Variants in PFKP observed in about 807,000 individuals in gnomAD.
PFKP encodes the protein phosphofructokinase, platelet.
PFKP carries 101 observed loss-of-function variants against 94.3 expected under a neutral mutation model. The observed-to-expected ratio is 1.07, with a 90% CI of 0.91 to 1.26. The LOEUF (loss-of-function observed/expected upper bound fraction) is 1.26. PFKP is among the 50% of genes most tolerant of loss of function. The probability of loss-of-function intolerance (pLI) is 0.00; values close to 1 mark genes in which losing one functional copy is unlikely to be tolerated. For missense variants in PFKP, 1,145 were observed against 1,103.3 expected (o/e 1.04, Z -0.53); for synonymous variants, 573 against 432.6 (o/e 1.32, Z -4.03).
intron 7 of PFKP, among the ~76,000 whole-genome samples, chr10:3,105,850 G>C (rs1046109367): frequency 6.6e-6 from 1 of 152,202 alleles, no homozygotes; most frequent in African/African-American, 2.4e-5. Flanking sequence ...TTAATTTGGG[G>C]CTTAATAGAA....
chr10:3,107,184 T>A (rs766417379), intron 7 of PFKP, 30 bp from the exon 8 acceptor site: 1 of 1,345,626 alleles, frequency 7.4e-7, no homozygotes, highest in Non-Finnish European at 1.1e-6. Flanking sequence ...GGATTAGGAA[T>A]TTGAGAGCTT....
rs74725739 is a variant in PFKP, at chr10:3,111,105, T to C, written c.1090-1117T>C. Among the ~76,000 whole-genome samples the C allele has an allele frequency of 3.4e-3, 513 of 151,876 alleles. 3 individuals are homozygous for C. The highest frequency in any genetic ancestry group is 3.8e-3 in the Non-Finnish European group (257 of 67,924). On this transcript the variant is annotated intron_variant, in intron 10 of 21. Coordinates refer to ENST00000381125, the MANE Select transcript of PFKP (RefSeq NM_002627.5). ...CTGCATGTGTGTGCATGTATGCTTATATGCATGTGTGAGCATGTTTGAGAT... is the reference window on the plus strand; with the variant it reads ...CTGCATGTGTGTGCATGTATGCTTACATGCATGTGTGAGCATGTTTGAGAT...
At chr10:3,124,098 C>A (rs1440133922) in intron 16 of PFKP, among the ~76,000 whole-genome samples, 2 of 152,004 alleles carry the variant, frequency 1.3e-5, no homozygotes, top group African/African-American at 4.8e-5. Flanking sequence ...GGGCTCCAGG[C>A]CTTGGGATGC....
At chr10:3,125,607 C>G (rs542468202) in intron 16 of PFKP, among the ~76,000 whole-genome samples, 1 of 151,376 alleles carries the variant, frequency 6.6e-6, no homozygotes, top group East Asian at 1.9e-4. Flanking sequence ...TGTAAATGCC[C>G]GGTAAGTACG....
At chr10:3,080,692 ATTTG>A (rs1251109290) in intron 1 of PFKP, among the ~76,000 whole-genome samples, 3 of 150,628 alleles carry the variant, frequency 2.0e-5, no homozygotes, top group Non-Finnish European at 4.4e-5. Context: ...CTGTTACTTC[ATTTG>A]TTTTTTTTCT....
In PFKP at chr10:3,108,729, C is replaced by A. The variant is rs1250309998; in HGVS notation, c.899C>A (p.Thr300Lys). The change falls in exon 9 of 22, where the codon ACA becomes AAA. Residue 300 changes from threonine (T) to lysine (K), a missense_variant. By Grantham distance (78) the Thr-to-Lys change is moderately conservative. Coordinates refer to ENST00000381125, the MANE Select transcript of PFKP (RefSeq NM_002627.5). ...ELVVTQLGYDTRVTILGHVQR... is the reference protein window; with the variant it reads ...ELVVTQLGYDKRVTILGHVQR... ...GTCGTCACGCAGCTGGGCTATGACACACGTGTGACCATCCTCGGGCACGTG... is the reference window on the plus strand; with the variant it reads ...GTCGTCACGCAGCTGGGCTATGACAAACGTGTGACCATCCTCGGGCACGTG... 1 of 1,613,954 alleles carries A rather than the reference C, an allele frequency of 6.2e-7. No individual in the cohort carries two copies. The highest frequency in any genetic ancestry group is 8.5e-7 in the Non-Finnish European group (1 of 1,179,886).
intron 16 of PFKP, among the ~76,000 whole-genome samples, chr10:3,124,795 G>A (rs548874620): frequency 6.6e-6 from 1 of 152,114 alleles, no homozygotes; most frequent in Admixed American, 6.5e-5. Context: ...TGTCCCACTC[G>A]TGACTAACTC....
intron 1 of PFKP, among the ~76,000 whole-genome samples, chr10:3,079,393 C>A (rs181875417): frequency 6.6e-6 from 1 of 151,934 alleles, no homozygotes; most frequent in Non-Finnish European, 1.5e-5. Context: ...CGCCACCACG[C>A]CTGGCTAATT....
In PFKP at chr10:3,113,471, A is replaced by G. The variant is rs567372502; in HGVS notation, c.1324A>G (p.Arg442Gly). Residue 442 changes from arginine (R) to glycine (G), a missense_variant, in exon 13 of 22, where the codon AGG becomes GGG. Transcript: ENST00000381125. ...AVRVGIADGH[R>G]MLAIYDGFDG... is the part of the protein sequence containing the mutation. ...GCGCGTGGGCATTGCCGACGGCCAC[A>G]GGATGCTCGCCATCTATGATGGCTT... 6 of 1,613,326 alleles carry G rather than the reference A, an allele frequency of 3.7e-6. No individual in the cohort carries two copies. The Admixed American group carries it at 1.0e-4, about 27-fold the overall frequency.
In PFKP at chr10:3,136,650, C is replaced by A. The variant is rs1839405524; in HGVS notation, c.*71C>A. On this transcript the variant is annotated 3_prime_UTR_variant, in exon 22 of 22. Coordinates refer to ENST00000381125, the MANE Select transcript of PFKP (RefSeq NM_002627.5). ...TTTTGTAACACTTAAGTTATTTTATCAGCACTTTATGCACGTATTATTGAC... is the reference window on the plus strand; with the variant it reads ...TTTTGTAACACTTAAGTTATTTTATAAGCACTTTATGCACGTATTATTGAC... The A allele has an allele frequency of 1.3e-6, 2 of 1,537,672 alleles. No individual in the cohort carries two copies. The highest frequency in any genetic ancestry group is 1.8e-5 in the Admixed American group (1 of 56,578).
intron 4 of PFKP, among the ~76,000 whole-genome samples, chr10:3,101,848 A>G (rs888347431): frequency 3.3e-5 from 5 of 152,214 alleles, no homozygotes; most frequent in African/African-American, 1.2e-4. Context: ...CAGATGAGGA[A>G]TCAAACGGCC....
chr10:3,109,838 G>A (rs1391568176), intron 10 of PFKP, among the ~76,000 whole-genome samples: 1 of 152,100 alleles, frequency 6.6e-6, no homozygotes, highest in Non-Finnish European at 1.5e-5. Context: ...GCAGCCGAGA[G>A]AGAGAGATCC....
chr10:3,100,468 T>A (rs1834886095), intron 3 of PFKP, among the ~76,000 whole-genome samples: 1 of 152,170 alleles, frequency 6.6e-6, no homozygotes, highest in African/African-American at 2.4e-5. Flanking sequence ...ATTTGGAATA[T>A]TAGTGAGTCT....
rs756530658 is a variant in PFKP, at chr10:3,134,626, C to CGTCCTGCCTTGGTGAAAATGCT, written c.2122+50_2122+71dup. 10 of 1,266,908 alleles carry CGTCCTGCCTTGGTGAAAATGCT rather than the reference C, an allele frequency of 7.9e-6. No individual in the cohort carries two copies. In the African/African-American group the frequency reaches 1.5e-4, roughly 19 times the overall value. 78.5% of individuals were successfully genotyped at this position (1,266,908 alleles called of 1,614,324 possible). ...GAGGCCACAGCCTCGTGATGCAGGC[C>CGTCCTGCCTTGGTGAAAATGCT]GTCCTGCCTTGGTGAAAATGCTGTC... On this transcript the variant is annotated intron_variant, in intron 20 of 21. Transcript: ENST00000381125.
rs4881080 is a variant in PFKP at position 3,101,451 on chromosome 10, C to G, written c.351C>G (p.Arg117=). ...AGGCTGCTTGCAACCTGCTGCAGCG[C>G]GGCATCACCAACCTGTGTGTGATCG... The part of the protein sequence containing the change: ...RLKAACNLLQ[R]GITNLCVIGG... Residue 117 remains arginine, a synonymous_variant, in exon 4 of 22, where the codon CGC becomes CGG. Transcript: ENST00000381125. The G allele has an allele frequency of 1.2e-6, 2 of 1,609,780 alleles. No individual in the cohort carries two copies. The highest frequency in any genetic ancestry group is 2.7e-5 in the African/African-American group (2 of 74,838).
At chr10:3,082,333 A>G in intron 1 of PFKP, 55 bp from the exon 2 acceptor site, 1 of 1,368,006 alleles carries the variant, frequency 7.3e-7, no homozygotes, top group South Asian at 1.3e-5. Context: ...AGTTAGTGGC[A>G]GAGCCAGAAT....
chr10:3,078,661 T>G (rs535461818), intron 1 of PFKP, among the ~76,000 whole-genome samples: 3 of 152,354 alleles, frequency 2.0e-5, no homozygotes, highest in Non-Finnish European at 2.9e-5. Context: ...CTTCACCGCT[T>G]ACTAATGTTG....
In PFKP at chr10:3,082,019, G is replaced by A. The variant is rs998101072; in HGVS notation, c.113-369G>A. 2.6e-4 allele frequency among the ~76,000 whole-genome samples: 29 copies of A among 113,494 alleles called. 1 individual carries two copies. The highest frequency in any genetic ancestry group is 1.0e-3 in the African/African-American group (29 of 28,172). The allele number at this position is 113,494 out of a possible 152,430, so 74.5% of individuals were successfully genotyped here. On this transcript the variant is annotated intron_variant, in intron 1 of 21. Transcript: ENST00000381125. ...TTTTTTTTTTTTTTTTACAGTGGTA[G>A]TTGGTGATGTGATACTCCATTTTTC...
At chr10:3,069,317 G>A in intron 1 of PFKP, 3 of 1,564,130 alleles carry the variant, frequency 1.9e-6, no homozygotes, top group Non-Finnish European at 1.7e-6. Context: ...GCAGAGGATG[G>A]GATTGAAGAA....
Sources: allele counts gnomAD v4.1 joint callset (sites outside exome capture counted in the v4.1 genomes callset), GRCh38; gene constraint gnomAD v4.1.1; transcripts MANE v1.5; gene names NCBI Gene and HGNC (gene_info 2026-07-23, HGNC 2026-07-21).